Variants in HLTF observed in about 807,000 individuals in gnomAD.
HLTF encodes helicase like transcription factor, also known as DNA-dependent ATPase/E3 ubiquitin-protein ligase HLTF.
HLTF carries 127 observed loss-of-function variants against 129.4 expected under a neutral mutation model. The ratio of observed to expected loss-of-function variants is 0.98; its 90% CI spans 0.85 to 1.14. HLTF has a LOEUF of 1.14. HLTF is among the 50% of genes most tolerant of loss of function. The probability of loss-of-function intolerance (pLI) is 0.00; values close to 1 mark genes in which losing one functional copy is unlikely to be tolerated. For missense variants in HLTF, 1,139 were observed against 1,187.1 expected (o/e 0.96, Z 0.60); for synonymous variants, 332 against 388.8 (o/e 0.85, Z 1.72).
chr3:149,048,360 CT>C (rs1269313775), intron 16 of HLTF, among the ~76,000 whole-genome samples, 197 bp from the exon 17 acceptor site: 4 of 152,174 alleles, frequency 2.6e-5, no homozygotes, highest in Non-Finnish European at 4.4e-5. Flanking sequence ...CAGTTTTGCT[CT>C]AATTTTTAGC....
At chr3:149,079,975 C>G (rs573755481) in intron 2 of HLTF, among the ~76,000 whole-genome samples, 5 of 151,978 alleles carry the variant, frequency 3.3e-5, no homozygotes, top group African/African-American at 1.2e-4. Context: ...ATTGTAATCC[C>G]TAAAGCAATC....
In HLTF at chr3:149,050,415, T is replaced by C. The variant is rs547594018; in HGVS notation, c.1474-40A>G. 4.2e-6 allele frequency: 6 copies of C among 1,439,744 alleles called. No homozygotes were observed. In the African/African-American group the frequency reaches 5.7e-5, roughly 14 times the overall value. 89.2% of individuals were successfully genotyped at this position (1,439,744 alleles called of 1,614,324 possible). On this transcript the variant is annotated intron_variant, in intron 14 of 24. Transcript: ENST00000310053. Reference sequence around the variant, plus strand: ...GGAATATTTTTAACAATGAGCAGATTTGTGTCAGACTTAATAGATGTATAA... The same window carrying C: ...GGAATATTTTTAACAATGAGCAGATCTGTGTCAGACTTAATAGATGTATAA...
At chr3:149,041,832 A>G in intron 19 of HLTF, 164 bp from the exon 20 acceptor site, 1 of 614,188 alleles carries the variant, frequency 1.6e-6, no homozygotes, top group Non-Finnish European at 2.8e-6. Context: ...AAACATTCAG[A>G]AGCCAAAATA....
intron 3 of HLTF, among the ~76,000 whole-genome samples, 183 bp from the exon 4 acceptor site, chr3:149,074,531 G>C (rs1302805577): frequency 6.6e-6 from 1 of 152,084 alleles, no homozygotes; most frequent in East Asian, 1.9e-4. Flanking sequence ...CAATCAGAAG[G>C]GTGATTTTTA....
chr3:149,074,475 T>C (rs1469261409), intron 3 of HLTF, 127 bp from the exon 4 acceptor site: 1 of 786,896 alleles, frequency 1.3e-6, no homozygotes, highest in East Asian at 2.7e-5. Flanking sequence ...AAGGAACTAG[T>C]TGGGCAGACT....
At chr3:149,063,106 C>CTGCAGTGCAG in intron 10 of HLTF, 1 of 461,746 alleles carries the variant, frequency 2.2e-6, no homozygotes, top group Non-Finnish European at 4.3e-6. Flanking sequence ...GTCACCCAGG[C>CTGCAGTGCAG]TGCAGTGCAG....
chr3:149,063,425 GT>G lies in HLTF; in HGVS notation c.1160+5del. On this transcript the variant is annotated splice_donor_5th_base_variant and intron_variant, in intron 10 of 24. Transcript: ENST00000310053. ...CATATGACATAATCAAACCATAATA[GT>G]TTACCTTTTGGGGCGGGAGCTAGAC... 2 of 1,523,372 alleles carry G rather than the reference GT, an allele frequency of 1.3e-6. No individual in the cohort carries two copies. Among genetic ancestry groups the G allele is most frequent in the Non-Finnish European group, 1.8e-6 (2 of 1,097,652 alleles). 94.4% of individuals were successfully genotyped at this position (1,523,372 alleles called of 1,614,324 possible).
intron 23 of HLTF, among the ~76,000 whole-genome samples, chr3:149,036,991 C>A (rs1038931123): frequency 6.6e-6 from 1 of 152,124 alleles, no homozygotes; most frequent in African/African-American, 2.4e-5. Context: ...TTGGTATTAA[C>A]CTCTTTGGTA....
intron 13 of HLTF, among the ~76,000 whole-genome samples, chr3:149,057,030 A>AC (rs1312139732): frequency 2.1e-5 from 3 of 141,606 alleles, no homozygotes; most frequent in Admixed American, 7.6e-5. Flanking sequence ...AATGGCGTGA[A>AC]CCCCAGGGGG....
intron 22 of HLTF, 56 bp from the exon 23 acceptor site, chr3:149,039,285 CAA>C: frequency 8.2e-7 from 1 of 1,223,454 alleles, no homozygotes; most frequent in Non-Finnish European, 1.1e-6. Flanking sequence ...AAAAATAAAA[CAA>C]AGTTAAGTAA....
At chr3:149,056,004 A>C (rs1717400938) in intron 13 of HLTF, among the ~76,000 whole-genome samples, 1 of 152,224 alleles carries the variant, frequency 6.6e-6, no homozygotes, top group Non-Finnish European at 1.5e-5. Flanking sequence ...GCACATAGTG[A>C]GGATCTGAAG....
chr3:149,071,728 T>G (rs1370966038), intron 5 of HLTF, 71 bp from the exon 6 acceptor site: 1 of 966,592 alleles, frequency 1.0e-6, no homozygotes, highest in African/African-American at 1.7e-5. Flanking sequence ...TAAGTCAGAT[T>G]TGAAATCATT....
intron 18 of HLTF, among the ~76,000 whole-genome samples, chr3:149,045,581 C>G (rs1014433731): frequency 6.6e-6 from 1 of 152,192 alleles, no homozygotes; most frequent in Non-Finnish European, 1.5e-5. Flanking sequence ...TAATTCCTAT[C>G]AAACCTGCTT....
chr3:149,076,135 T>C (rs1719337104), intron 2 of HLTF, 88 bp from the exon 3 acceptor site: 2 of 548,634 alleles, frequency 3.6e-6, no homozygotes, highest in East Asian at 6.1e-5. Flanking sequence ...CATTCATTTT[T>C]TAATGCTACT....
chr3:149,039,100 AC>A lies in HLTF; in HGVS notation c.2744del (p.Gly915ValfsTer5). ...PTIMLLSLKAGGVGLNLSAAS... is the reference protein window; with the variant it reads ...PTIMLLSLKAXGVGLNLSAAS... ...CTGCAGACAGATTCAAACCAACTCC[AC>A]CTGCTTTTAAGGACAGAAGCATTAT... is the stretch of plus-strand genomic sequence containing the variant. On this transcript the variant is annotated frameshift_variant, in exon 23 of 25. Coordinates refer to ENST00000310053, the MANE Select transcript of HLTF (RefSeq NM_003071.4). LOFTEE classifies it high-confidence loss of function. 6.2e-7 allele frequency: 1 copy of A among 1,610,872 alleles called. No homozygotes were observed. Among genetic ancestry groups the A allele is most frequent in the South Asian group, 1.1e-5 (1 of 90,386 alleles).
intron 4 of HLTF, 132 bp from the exon 5 acceptor site, chr3:149,073,454 G>T (rs578083216): frequency 2.5e-4 from 159 of 628,484 alleles, no homozygotes; most frequent in African/African-American, 1.7e-3. Flanking sequence ...AGCACTTTGG[G>T]AGGCCAAGGC....
rs149700155 is a variant in HLTF at position 149,072,107 on chromosome 3, C to T, written c.628-450G>A. Among the ~76,000 whole-genome samples, 195 of 152,218 alleles carry T rather than the reference C, an allele frequency of 1.3e-3. 1 individual carries two copies. Among genetic ancestry groups the T allele is most frequent in the Non-Finnish European group, 2.1e-3 (144 of 68,000 alleles). ...ATTTAAAAACCACAAACTAGTCAAA[C>T]GCCAAAAAGGCACATAAATCAACTC... is the stretch of plus-strand genomic sequence containing the variant. On this transcript the variant is annotated intron_variant, in intron 5 of 24. Transcript: ENST00000310053.
intron 23 of HLTF, among the ~76,000 whole-genome samples, chr3:149,037,502 A>C (rs1309356325): frequency 6.6e-6 from 1 of 151,812 alleles, no homozygotes; most frequent in Non-Finnish European, 1.5e-5. Flanking sequence ...AAAATACAAC[A>C]GACCATACCA....
intron 1 of HLTF, among the ~76,000 whole-genome samples, chr3:149,085,882 C>G (rs1224727933): frequency 2.0e-5 from 3 of 152,188 alleles, no homozygotes; most frequent in African/African-American, 7.2e-5. Flanking sequence ...GTTTTCCTTG[C>G]AAGTGGCGCA....
Sources: allele counts gnomAD v4.1 joint callset (sites outside exome capture counted in the v4.1 genomes callset), GRCh38; gene constraint gnomAD v4.1.1; transcripts MANE v1.5; gene names NCBI Gene and HGNC (gene_info 2026-07-23, HGNC 2026-07-21).